Variants in MAEL observed in about 807,000 individuals in gnomAD.
The protein encoded by MAEL is protein maelstrom homolog.
MAEL carries 46 observed loss-of-function variants against 62.0 expected under a neutral mutation model. That is an observed-to-expected ratio of 0.74 (90% CI 0.59 to 0.95). The LOEUF (loss-of-function observed/expected upper bound fraction) is 0.95. Ranked by LOEUF, MAEL falls within the 40% of genes least tolerant of loss-of-function variation. The pLI is 0.00. For missense variants in MAEL, 497 were observed against 526.8 expected (o/e 0.94, Z 0.55); for synonymous variants, 172 against 175.5 (o/e 0.98, Z 0.16).
chr1:167,021,278 G>A, intron 11 of MAEL, 118 bp downstream of exon 11: 1 of 734,532 alleles, frequency 1.4e-6, no homozygotes, highest in East Asian at 2.7e-5. Context: ...TAAGAAGCTT[G>A]TTGAATTGAG....
At chr1:167,021,219 A>C in intron 11 of MAEL, 59 bp downstream of exon 11, 1 of 1,168,492 alleles carries the variant, frequency 8.6e-7, no homozygotes, top group Non-Finnish European at 1.3e-6. Flanking sequence ...TATTACTAAG[A>C]TCCCAGGTGT....
chr1:166,992,893 T>A lies in MAEL; in HGVS notation c.481+52T>A, dbSNP rs778998304. On this transcript the variant is annotated intron_variant, in intron 4 of 11. Coordinates refer to ENST00000367872, the MANE Select transcript of MAEL (RefSeq NM_032858.3). ...CTTAAACGTGTATGGTTTTTTTTTT[T>A]AAATCTTGACTTTATTTGATAATAG... 69 of 1,392,390 alleles carry A rather than the reference T, an allele frequency of 5.0e-5. 1 individual carries two copies. The highest frequency in any genetic ancestry group is 5.9e-5 in the Non-Finnish European group (62 of 1,042,834). The allele number at this position is 1,392,390 out of a possible 1,614,324, so 86.3% of individuals were successfully genotyped here.
upstream of MAEL, among the ~76,000 whole-genome samples, chr1:166,986,857 TA>T (rs1169793572): frequency 6.6e-6 from 1 of 151,764 alleles, no homozygotes; most frequent in East Asian, 1.9e-4. Context: ...AAGTGTTTTT[TA>T]AAAGATCAAT....
At chr1:166,985,231 T>C (rs952589473), upstream of MAEL, among the ~76,000 whole-genome samples, 15 of 152,032 alleles carry the variant, frequency 9.9e-5, no homozygotes, top group African/African-American at 3.6e-4. Flanking sequence ...TGGAGTCTCC[T>C]TGAGTTGAGG....
intron 1 of MAEL, 87 bp from the exon 2 acceptor site, chr1:166,989,650 C>T: frequency 6.8e-7 from 1 of 1,470,654 alleles, no homozygotes; most frequent in East Asian, 2.3e-5. Flanking sequence ...AACCACCTCC[C>T]TGTAATGCCC....
intron 8 of MAEL, 191 bp from the exon 9 acceptor site, chr1:167,016,031 C>T (rs1478129770): frequency 4.9e-6 from 3 of 615,502 alleles, no homozygotes; most frequent in East Asian, 2.8e-5. Context: ...GTGTAGGTTG[C>T]GTAGTATCAT....
At chr1:166,988,838 T>C (rs1664015354), upstream of MAEL, among the ~76,000 whole-genome samples, 2 of 152,184 alleles carry the variant, frequency 1.3e-5, no homozygotes, top group Admixed American at 1.3e-4. Flanking sequence ...TCGAGTTTTG[T>C]TGCTTCACTG....
chr1:167,018,922 T>C, intron 10 of MAEL, among the ~76,000 whole-genome samples: 1 of 152,294 alleles, frequency 6.6e-6, no homozygotes, highest in South Asian at 2.1e-4. Flanking sequence ...TGTATCCTGA[T>C]TGTGGTGTTT....
chr1:167,006,601 C>CTA (rs200881169), intron 8 of MAEL, among the ~76,000 whole-genome samples: 9,149 of 96,452 alleles, frequency 0.095, 768 homozygotes, highest in East Asian at 0.22. Context: ...TGGTTTTTTA[C>CTA]TATATATATA....
At chr1:166,976,249 C>T (rs1426528788) in intron 1 of MAEL, among the ~76,000 whole-genome samples, 1 of 152,152 alleles carries the variant, frequency 6.6e-6, no homozygotes, top group Non-Finnish European at 1.5e-5. Context: ...ATTTGTCAGA[C>T]GGATTTGTCT....
upstream of MAEL, among the ~76,000 whole-genome samples, chr1:166,986,992 A>G (rs1188137675): frequency 6.9e-6 from 1 of 144,114 alleles, no homozygotes; most frequent in Non-Finnish European, 1.5e-5. Flanking sequence ...TTAAAATTAC[A>G]ATCAACTGTT....
chr1:166,994,018 T>C lies in MAEL; in HGVS notation c.482-10T>C, dbSNP rs1347759448. Reference sequence around the variant, plus strand: ...ATTTTTGCTTCTCAACAAGATATTTTGTATTATAGGTGAAATTCCACGAGG... The same window carrying C: ...ATTTTTGCTTCTCAACAAGATATTTCGTATTATAGGTGAAATTCCACGAGG... On this transcript the variant is annotated splice_polypyrimidine_tract_variant and intron_variant, in intron 4 of 11. Transcript: ENST00000367872. The C allele has an allele frequency of 3.7e-6, 6 of 1,611,746 alleles. No homozygotes were observed. In the East Asian group the frequency reaches 1.3e-4, roughly 36 times the overall value.
chr1:167,000,146 T>C (rs1486181456), intron 5 of MAEL, among the ~76,000 whole-genome samples: 9 of 152,340 alleles, frequency 5.9e-5, no homozygotes, highest in East Asian at 1.9e-4. Flanking sequence ...TTAAGAAATA[T>C]GTTTTATAAG....
At chr1:166,989,277 GTTAC>G (rs1278924315) in exon 1 of MAEL, 1 of 1,533,906 alleles carries the variant, frequency 6.5e-7, no homozygotes, top group Non-Finnish European at 8.8e-7. Context: ...GCCTACCTCT[GTTAC>G]TTAGGGCGGG....
At chr1:167,000,375 G>T (rs1664610228) in intron 5 of MAEL, among the ~76,000 whole-genome samples, 1 of 152,136 alleles carries the variant, frequency 6.6e-6, no homozygotes, top group Non-Finnish European at 1.5e-5. Context: ...TAATAGAAGA[G>T]AACTAGAATT....
In MAEL at chr1:166,992,668, C is replaced by T. The variant is rs1664239493; in HGVS notation, c.326-18C>T. On this transcript the variant is annotated intron_variant, in intron 3 of 11. Transcript: ENST00000367872. ...TGAGACATTCATTTATTCATTTTAT[C>T]TTACAATTTTTTTTTAGCTCTCCTT... 4 of 1,555,778 alleles carry T rather than the reference C, an allele frequency of 2.6e-6. No individual in the cohort carries two copies. Among genetic ancestry groups the T allele is most frequent in the Non-Finnish European group, 3.5e-6 (4 of 1,157,256 alleles).
chr1:167,009,218 T>G (rs765398523), intron 8 of MAEL, among the ~76,000 whole-genome samples: 1 of 152,196 alleles, frequency 6.6e-6, no homozygotes. Flanking sequence ...GCCTTAAAAG[T>G]TAAAGTTTGC....
chr1:167,003,286 A>C (rs562501425), intron 5 of MAEL, among the ~76,000 whole-genome samples: 60 of 152,328 alleles, frequency 3.9e-4, no homozygotes, highest in African/African-American at 1.4e-3. Context: ...ATTTTATGCT[A>C]AAATTGGTAA....
chr1:166,989,220 C>A, upstream of MAEL: 1 of 1,193,332 alleles, frequency 8.4e-7, no homozygotes, highest in Non-Finnish European at 1.2e-6. Flanking sequence ...AATGCGACTG[C>A]GCGTCGCTTC....
Sources: gnomAD v4.1 joint callset for allele counts (sites outside exome capture counted in the v4.1 genomes callset) on GRCh38, gnomAD v4.1.1 for gene constraint, MANE v1.5 for transcripts, NCBI Gene and HGNC (gene_info 2026-07-23, HGNC 2026-07-21) for gene names.